The following NALF1 variants were observed in gnomAD, a reference collection of about 807,000 sequenced individuals.
NALF1 encodes the protein family with sequence similarity 155 member A.
In NALF1, 3 loss-of-function variants were observed where a neutral mutation model predicts 48.4. That is an observed-to-expected ratio of 0.06 (90% CI 0.03 to 0.16). NALF1 has a LOEUF of 0.16. Among genes scored for constraint, NALF1 ranks in the 10% least tolerant of loss-of-function variants. The pLI, the probability that NALF1 is intolerant of heterozygous loss-of-function variation, is 1.00. For synonymous variants in NALF1, 262 were observed against 245.7 expected, an observed-to-expected ratio of 1.07 and a Z score of -0.62; for missense variants, 526 against 571.5, an observed-to-expected ratio of 0.92 and a Z score of 0.81.
At chr13:107,851,499 G>T (rs1386995588) in intron 1 of NALF1, among the ~76,000 whole-genome samples, 1 of 151,682 alleles carries the variant, frequency 6.6e-6, no homozygotes, top group East Asian at 2.0e-4. Flanking sequence ...CCATATAAAA[G>T]ACTCTGTTGT....
intron 1 of NALF1, chr13:107,531,315 T>G (rs1876630870): frequency 6.1e-6 from 1 of 163,918 alleles, no homozygotes; most frequent in Non-Finnish European, 1.5e-5. Context: ...ATGAGTGAGC[T>G]CTTCTTCTGA....
At chr13:107,790,379 A>G (rs1878195947) in intron 1 of NALF1, among the ~76,000 whole-genome samples, 2 of 152,220 alleles carry the variant, frequency 1.3e-5, no homozygotes, top group African/African-American at 4.8e-5. Flanking sequence ...GGATACTAAA[A>G]TATTACAAAG....
At chr13:107,595,846 T>A (rs1185248349) in intron 1 of NALF1, among the ~76,000 whole-genome samples, 11 of 152,110 alleles carry the variant, frequency 7.2e-5, no homozygotes, top group Admixed American at 7.2e-4. Flanking sequence ...GATCATGTGA[T>A]CTCTCTAACA....
chr13:107,855,030 A>C (rs1298888741), intron 1 of NALF1, among the ~76,000 whole-genome samples: 1 of 152,184 alleles, frequency 6.6e-6, no homozygotes, highest in African/African-American at 2.4e-5. Context: ...CAGCATCTAG[A>C]GAGCAGGCAC....
At chr13:107,286,144 C>G (rs930006801) in intron 1 of NALF1, among the ~76,000 whole-genome samples, 3 of 152,152 alleles carry the variant, frequency 2.0e-5, no homozygotes, top group African/African-American at 7.2e-5. Context: ...AAGAGAAAAT[C>G]TTGTACATTG....
intron 2 of NALF1, among the ~76,000 whole-genome samples, chr13:107,183,195 C>T (rs1879103302): frequency 6.6e-6 from 1 of 152,158 alleles, no homozygotes; most frequent in Admixed American, 6.5e-5. Flanking sequence ...AGCGACACAC[C>T]CCTGGGGGAA....
At chr13:107,337,751 G>A (rs1196258691) in intron 1 of NALF1, among the ~76,000 whole-genome samples, 1 of 152,154 alleles carries the variant, frequency 6.6e-6, no homozygotes, top group African/African-American at 2.4e-5. Flanking sequence ...CATAGCACAT[G>A]TCGAGATTTT....
chr13:107,741,453 T>C (rs1396843380), intron 1 of NALF1, among the ~76,000 whole-genome samples: 1 of 152,140 alleles, frequency 6.6e-6, no homozygotes, highest in Non-Finnish European at 1.5e-5. Context: ...GCCTACTGAG[T>C]ACTTACCTTA....
chr13:107,592,303 CATT>C (rs980224219), intron 1 of NALF1, among the ~76,000 whole-genome samples: 7 of 151,812 alleles, frequency 4.6e-5, no homozygotes, highest in Non-Finnish European at 7.4e-5. Flanking sequence ...TAGAAAATCT[CATT>C]AATCTGTGGA....
At chr13:107,206,138 A>G (rs575535908) in intron 2 of NALF1, among the ~76,000 whole-genome samples, 10 of 152,306 alleles carry the variant, frequency 6.6e-5, no homozygotes, top group African/African-American at 2.4e-4. Flanking sequence ...TCACCCTGAC[A>G]GCACCTCAGA....
intron 1 of NALF1, among the ~76,000 whole-genome samples, chr13:107,634,370 C>T (rs184562222): frequency 1.3e-5 from 2 of 152,176 alleles, no homozygotes; most frequent in East Asian, 3.9e-4. Flanking sequence ...CACCACTACA[C>T]AAGCTATGCA....
intron 1 of NALF1, among the ~76,000 whole-genome samples, chr13:107,825,300 TTG>T (rs1345394509): frequency 1.3e-5 from 2 of 152,354 alleles, no homozygotes; most frequent in East Asian, 3.9e-4. Flanking sequence ...CTAAAATATC[TTG>T]TGTCTCTATA....
chr13:107,764,179 CAT>C (rs1476082338), intron 1 of NALF1, among the ~76,000 whole-genome samples: 1 of 152,028 alleles, frequency 6.6e-6, no homozygotes, highest in Non-Finnish European at 1.5e-5. Flanking sequence ...GATATTGCAA[CAT>C]ATTTAGGCCA....
intron 1 of NALF1, among the ~76,000 whole-genome samples, chr13:107,565,737 T>C (rs1877792685): frequency 1.3e-5 from 2 of 152,198 alleles, no homozygotes; most frequent in African/African-American, 2.4e-5. Flanking sequence ...AGTCTCAGGT[T>C]ATGGCCTCTG....
At chr13:107,418,688 C>T (rs939656432) in intron 1 of NALF1, among the ~76,000 whole-genome samples, 1 of 151,940 alleles carries the variant, frequency 6.6e-6, no homozygotes, top group Non-Finnish European at 1.5e-5. Context: ...AGTTTTTCAA[C>T]CCTCACTCCT....
intron 1 of NALF1, among the ~76,000 whole-genome samples, chr13:107,623,231 G>A (rs1162820715): frequency 6.6e-6 from 1 of 152,112 alleles, no homozygotes; most frequent in African/African-American, 2.4e-5. Flanking sequence ...TTGTTGGGAT[G>A]TTTAGAAATC....
At chr13:107,448,960 A>G (rs185449844) in intron 1 of NALF1, among the ~76,000 whole-genome samples, 185 of 152,206 alleles carry the variant, frequency 1.2e-3, no homozygotes, top group African/African-American at 4.3e-3. Context: ...ACATCACACG[A>G]CTGCCAGGTG....
At chr13:107,629,524 T>C (rs185653223) in intron 1 of NALF1, among the ~76,000 whole-genome samples, 1 of 152,292 alleles carries the variant, frequency 6.6e-6, no homozygotes, top group East Asian at 1.9e-4. Flanking sequence ...GTTTTCTGAT[T>C]GTCTACTGAA....
intron 1 of NALF1, among the ~76,000 whole-genome samples, chr13:107,396,868 T>G (rs1341577151): frequency 3.9e-5 from 6 of 152,200 alleles, no homozygotes; most frequent in Non-Finnish European, 8.8e-5. Context: ...TAGAAAAGTA[T>G]CAATAATACT....
Sources: gnomAD v4.1 joint callset for allele counts (sites outside exome capture counted in the v4.1 genomes callset) on GRCh38, gnomAD v4.1.1 for gene constraint, MANE v1.5 for transcripts, NCBI Gene and HGNC (gene_info 2026-07-23, HGNC 2026-07-21) for gene names.